Variants in BICC1 observed in about 807,000 individuals in gnomAD.
The protein encoded by BICC1 is protein bicaudal C homolog 1.
Under a neutral mutation model 111.0 loss-of-function variants are expected in BICC1, and 43 were observed. The ratio of observed to expected loss-of-function variants is 0.39; its 90% CI spans 0.30 to 0.50. The LOEUF is 0.50. Among genes scored for constraint, BICC1 ranks in the 20% least tolerant of loss-of-function variants. The pLI is 0.88. For missense variants in BICC1, 1,091 were observed against 1,203.2 expected, an observed-to-expected ratio of 0.91 and a Z score of 1.38; for synonymous variants, 467 against 434.4, an observed-to-expected ratio of 1.07 and a Z score of -0.93.
intron 2 of BICC1, among the ~76,000 whole-genome samples, chr10:58,628,993 G>GCC (rs1395345235): frequency 1.3e-5 from 2 of 152,198 alleles, no homozygotes; most frequent in Non-Finnish European, 2.9e-5. Flanking sequence ...GTGGTGGCTA[G>GCC]ACTGTGAAAG....
intron 1 of BICC1, among the ~76,000 whole-genome samples, chr10:58,532,024 G>A (rs866079938): frequency 4.0e-5 from 6 of 151,654 alleles, no homozygotes; most frequent in South Asian, 2.1e-4. Flanking sequence ...AACTACAATA[G>A]CCAAAACCTT....
intron 1 of BICC1, among the ~76,000 whole-genome samples, chr10:58,616,821 A>T (rs1845621917): frequency 6.6e-6 from 1 of 152,260 alleles, no homozygotes; most frequent in African/African-American, 2.4e-5. Context: ...GTGTTGCTGC[A>T]GGGCTATGTG....
chr10:58,667,416 A>T (rs533004192), intron 2 of BICC1, among the ~76,000 whole-genome samples: 5 of 152,254 alleles, frequency 3.3e-5, no homozygotes, highest in African/African-American at 1.2e-4. Context: ...ATATAGCAAA[A>T]GTAGAAGTCT....
In BICC1 at chr10:58,732,379, G is replaced by A. The variant is rs9416733; in HGVS notation, c.307+30236G>A. 1.5e-3 allele frequency among the ~76,000 whole-genome samples: 115 copies of A among 75,744 alleles called. 6 individuals carry two copies. Among genetic ancestry groups the A allele is most frequent in the Middle Eastern group, 0.018 (2 of 112 alleles). The allele number at this position is 75,744 out of a possible 152,430, so 49.7% of individuals were successfully genotyped here. On this transcript the variant is annotated intron_variant, in intron 3 of 20. Transcript: ENST00000373886. ...TGTGTGTGTGTGTGTGTGTGTGTAT[G>A]TATATATATATATATATATATATAT...
chr10:58,694,646 G>T (rs1840016495), intron 2 of BICC1, among the ~76,000 whole-genome samples: 1 of 152,138 alleles, frequency 6.6e-6, no homozygotes, highest in Non-Finnish European at 1.5e-5. Flanking sequence ...CTGGCCACTT[G>T]ACGGCATTCC....
intron 2 of BICC1, among the ~76,000 whole-genome samples, chr10:58,642,191 T>TC (rs1176700801): frequency 6.6e-6 from 1 of 152,174 alleles, no homozygotes; most frequent in Non-Finnish European, 1.5e-5. Flanking sequence ...CCCAGGGAAG[T>TC]ATCTGCATTT....
chr10:58,767,308 T>C (rs1842483637), intron 3 of BICC1, among the ~76,000 whole-genome samples: 1 of 152,056 alleles, frequency 6.6e-6, no homozygotes, highest in East Asian at 1.9e-4. Flanking sequence ...CTTTGTGAGA[T>C]TGAGAGAAGG....
chr10:58,575,186 C>T (rs1844073800), intron 1 of BICC1, among the ~76,000 whole-genome samples: 1 of 151,886 alleles, frequency 6.6e-6, no homozygotes, highest in African/African-American at 2.4e-5. Flanking sequence ...TCCTGTTGTC[C>T]CCCACTCCCC....
chr10:58,595,198 T>A (rs547285244), intron 1 of BICC1, among the ~76,000 whole-genome samples: 1 of 152,264 alleles, frequency 6.6e-6, no homozygotes, highest in East Asian at 1.9e-4. Flanking sequence ...AACACAGGAA[T>A]ACCCAGATTC....
intron 3 of BICC1, among the ~76,000 whole-genome samples, chr10:58,761,650 G>A (rs1842319710): frequency 6.6e-6 from 1 of 152,166 alleles, no homozygotes; most frequent in Non-Finnish European, 1.5e-5. Context: ...ATGACAAACA[G>A]TTCAGGTCAA....
chr10:58,823,326 C>A (rs1844305326), intron 20 of BICC1: 1 of 985,166 alleles, frequency 1.0e-6, no homozygotes. Context: ...CCCAAACCAT[C>A]CCGTAGGCTT....
chr10:58,827,955 T>G (rs1192522892), intron 20 of BICC1, among the ~76,000 whole-genome samples: 1 of 152,182 alleles, frequency 6.6e-6, no homozygotes, highest in Non-Finnish European at 1.5e-5. Flanking sequence ...GATGATTCAC[T>G]TGCACTTAAT....
At chr10:58,795,044 A>G (rs1843307763) in intron 9 of BICC1, among the ~76,000 whole-genome samples, 1 of 152,192 alleles carries the variant, frequency 6.6e-6, no homozygotes, top group Non-Finnish European at 1.5e-5. Context: ...GATGCACACA[A>G]AAATCATGAT....
In BICC1 at chr10:58,555,305, CATTT is replaced by C. The variant is rs1177961832; in HGVS notation, c.190+41973_190+41976del. Among the ~76,000 whole-genome samples, 381 of 93,804 alleles carry C rather than the reference CATTT, an allele frequency of 4.1e-3. 3 individuals are homozygous for C. The highest frequency in any genetic ancestry group is 0.016 in the African/African-American group (360 of 22,712). 61.5% of individuals were successfully genotyped at this position (93,804 alleles called of 152,430 possible). On this transcript the variant is annotated intron_variant, in intron 1 of 20. Coordinates refer to ENST00000373886, the MANE Select transcript of BICC1 (RefSeq NM_001080512.3). Reference sequence around the variant, plus strand: ...GCTGAAGAGAATAGAGGCTGTTGGACATTTTTTTTTTTTTTTTTTTTTTTTTTTT... The same window carrying C: ...GCTGAAGAGAATAGAGGCTGTTGGACTTTTTTTTTTTTTTTTTTTTTTTTT...
chr10:58,731,319 A>G (rs1443048112), intron 3 of BICC1, among the ~76,000 whole-genome samples: 1 of 152,152 alleles, frequency 6.6e-6, no homozygotes, highest in African/African-American at 2.4e-5. Flanking sequence ...CCAGCGTTTT[A>G]GTTACAACCA....
rs1255118493 is a variant in BICC1, at chr10:58,813,917, A to G, written c.2464A>G (p.Ile822Val). 1 of 1,613,930 alleles carries G rather than the reference A, an allele frequency of 6.2e-7. No homozygotes were observed. Among genetic ancestry groups the G allele is most frequent in the Non-Finnish European group, 8.5e-7 (1 of 1,179,934 alleles). The change falls in exon 18 of 21, where the codon ATT becomes GTT. Residue 822 changes from isoleucine to valine, a missense_variant. Around this residue, in one of 3 missense-constraint regions of BICC1, gnomAD observed 231 missense variants for 256.2 expected, o/e 0.90. Coordinates refer to ENST00000373886, the MANE Select transcript of BICC1 (RefSeq NM_001080512.3). ...TGATAACTGGAGAGACCGAAATGGA[A>G]TTGGACCTGGAAGTCATAGTGAATT... ...ESDNWRDRNGIGPGSHSEFAA... is the reference protein window; with the variant it reads ...ESDNWRDRNGVGPGSHSEFAA...
chr10:58,636,820 T>C (rs879338349), intron 2 of BICC1, among the ~76,000 whole-genome samples: 1 of 152,230 alleles, frequency 6.6e-6, no homozygotes, highest in Non-Finnish European at 1.5e-5. Context: ...TAATTCCTCA[T>C]AGAATTGATG....
At chr10:58,653,668 T>C (rs1328452340) in intron 2 of BICC1, among the ~76,000 whole-genome samples, 1 of 75,994 alleles carries the variant, frequency 1.3e-5, no homozygotes, top group African/African-American at 4.9e-5. Context: ...CTTTTACAAG[T>C]ATTGTTCTTT....
At chr10:58,739,717 A>G (rs1841593386) in intron 3 of BICC1, among the ~76,000 whole-genome samples, 1 of 152,180 alleles carries the variant, frequency 6.6e-6, no homozygotes, top group South Asian at 2.1e-4. Context: ...AAAAATCAAA[A>G]TCTATATATA....
Sources: gnomAD v4.1 joint callset for allele counts (sites outside exome capture counted in the v4.1 genomes callset) on GRCh38, gnomAD v4.1.1 for gene constraint, gnomAD v4.1.1 regional missense constraint, MANE v1.5 for transcripts, NCBI Gene and HGNC (gene_info 2026-07-23, HGNC 2026-07-21) for gene names.